FAM117A: variants seen among roughly 807,000 people sequenced by gnomAD.
FAM117A encodes the protein family with sequence similarity 117 member A.
A neutral mutation model predicts 44.1 loss-of-function variants in FAM117A; 21 were observed. The observed-to-expected ratio is 0.48, with a 90% CI of 0.34 to 0.69. The LOEUF is 0.69. Among genes scored for constraint, FAM117A ranks in the 30% least tolerant of loss-of-function variants. The pLI is 0.01. For missense variants in FAM117A, 498 were observed against 589.9 expected (o/e 0.84, Z 1.61); for synonymous variants, 220 against 238.3 (o/e 0.92, Z 0.71).
intron 1 of FAM117A, among the ~76,000 whole-genome samples, chr17:49,742,706 T>C (rs2073639582): frequency 6.6e-6 from 1 of 152,190 alleles, no homozygotes; most frequent in Admixed American, 6.5e-5. Flanking sequence ...GATGGGTTTC[T>C]GGAGGGCTGT....
At chr17:49,719,984 A>G in intron 4 of FAM117A, 90 bp from the exon 5 acceptor site, 1 of 1,479,048 alleles carries the variant, frequency 6.8e-7, no homozygotes, top group Non-Finnish European at 9.0e-7. Context: ...TCATGTCCAC[A>G]CAGCAGAACT....
intron 1 of FAM117A, among the ~76,000 whole-genome samples, chr17:49,770,959 C>A (rs896791876): frequency 1.3e-5 from 2 of 152,014 alleles, no homozygotes; most frequent in Admixed American, 6.6e-5. Context: ...GTAATCCCAG[C>A]ACTTTGGGTG....
chr17:49,717,798 G>T, intron 5 of FAM117A, 84 bp from the exon 6 acceptor site: 1 of 1,145,038 alleles, frequency 8.7e-7, no homozygotes, highest in Non-Finnish European at 1.2e-6. Flanking sequence ...TATTTCCCTT[G>T]CTGCTGTCAT....
At chr17:49,765,161 T>C (rs1007815622), upstream of FAM117A, among the ~76,000 whole-genome samples, 24 of 152,320 alleles carry the variant, frequency 1.6e-4, no homozygotes, top group African/African-American at 5.5e-4. Context: ...TTAAAAAGTA[T>C]TATGCTTCAA....
intron 1 of FAM117A, among the ~76,000 whole-genome samples, chr17:49,782,270 G>A (rs1391300496): frequency 1.9e-4 from 28 of 151,280 alleles, no homozygotes; most frequent in Admixed American, 3.9e-4. Context: ...CCAGCTACTC[G>A]GGAGGCTGAG....
intron 1 of FAM117A, among the ~76,000 whole-genome samples, chr17:49,785,337 C>A (rs1413666342): frequency 1.3e-5 from 2 of 152,114 alleles, no homozygotes; most frequent in Non-Finnish European, 2.9e-5. Context: ...TGTAGCAAGA[C>A]CTCATCTCTA....
At chr17:49,741,321 G>A (rs900679212) in intron 1 of FAM117A, among the ~76,000 whole-genome samples, 2 of 151,974 alleles carry the variant, frequency 1.3e-5, no homozygotes, top group African/African-American at 4.8e-5. Context: ...CCCTTAAAGA[G>A]AAAATAACTT....
At position 49,742,319 on chromosome 17, in the gene FAM117A, C is replaced by T. The variant is rs182832424; in HGVS notation, c.197-9599G>A. On this transcript the variant is annotated intron_variant, in intron 1 of 7. Transcript: ENST00000240364. ...AGCTGGAGAGACAGGCCAAGAGAAA[C>T]CCTTCTGGAGATGTCATTGTGGGAA... is the stretch of plus-strand genomic sequence containing the variant. 1.2e-4 allele frequency among the ~76,000 whole-genome samples: 18 copies of T among 152,180 alleles called. No homozygotes were observed. The East Asian group carries it at 3.3e-3, about 28-fold the overall frequency.
At chr17:49,787,761 C>A (rs538913743) in intron 1 of FAM117A, among the ~76,000 whole-genome samples, 1 of 152,316 alleles carries the variant, frequency 6.6e-6, no homozygotes, top group Non-Finnish European at 1.5e-5. Flanking sequence ...GTATCTGTGA[C>A]CAACTTCTCC....
intron 1 of FAM117A, among the ~76,000 whole-genome samples, chr17:49,753,127 T>G (rs547630628): frequency 6.6e-6 from 1 of 152,142 alleles, no homozygotes; most frequent in Non-Finnish European, 1.5e-5. Context: ...CCTCCCAAAG[T>G]GCTGGGATTA....
intron 1 of FAM117A, among the ~76,000 whole-genome samples, chr17:49,787,025 A>C (rs751711049): frequency 2.6e-5 from 4 of 152,074 alleles, no homozygotes; most frequent in Non-Finnish European, 4.4e-5. Flanking sequence ...TGGAGCTTGC[A>C]GTGAACTGAC....
chr17:49,724,520 C>T, intron 2 of FAM117A: 1 of 456,014 alleles, frequency 2.2e-6, no homozygotes, highest in Non-Finnish European at 4.4e-6. Context: ...AAGAGAAATG[C>T]AGGCTAGCAC....
At chr17:49,788,754 G>A, upstream of FAM117A, 5 of 1,486,360 alleles carry the variant, frequency 3.4e-6, no homozygotes, top group Non-Finnish European at 4.6e-6. Flanking sequence ...TACAGAGGCC[G>A]CCACGGAGCC....
At chr17:49,722,435 G>A in intron 3 of FAM117A, 64 bp downstream of exon 3, 1 of 1,328,006 alleles carries the variant, frequency 7.5e-7, no homozygotes, top group Non-Finnish European at 1.1e-6. Flanking sequence ...CAGATGCATT[G>A]CATGGTACTA....
At position 49,783,090 on chromosome 17, in the gene FAM117A, C is replaced by T. The variant is rs142818335; in HGVS notation, c.-621+5407G>A. Among the ~76,000 whole-genome samples, 47 of 152,332 alleles carry T rather than the reference C, an allele frequency of 3.1e-4. 1 individual carries two copies. The East Asian group carries it at 8.9e-3, about 29-fold the overall frequency. On this transcript the variant is annotated intron_variant, in intron 1 of 7. Coordinates refer to the FAM117A transcript ENST00000513602. ...TTATCCATAATGGCAATTCCCTGGT[C>T]TTCTTGGTAAGTGAATGTGGGCATG...
At chr17:49,733,563 C>T (rs532562236) in intron 1 of FAM117A, among the ~76,000 whole-genome samples, 1 of 152,082 alleles carries the variant, frequency 6.6e-6, no homozygotes, top group African/African-American at 2.4e-5. Flanking sequence ...ATCCCAGCTA[C>T]TCAGGAGGCT....
intron 1 of FAM117A, among the ~76,000 whole-genome samples, chr17:49,736,431 G>C (rs920099690): frequency 1.1e-4 from 17 of 151,888 alleles, no homozygotes; most frequent in Admixed American, 3.9e-4. Context: ...TAATTTTTTT[G>C]TATTTTTAGT....
chr17:49,714,260 T>G, intron 7 of FAM117A, among the ~76,000 whole-genome samples: 1 of 150,678 alleles, frequency 6.6e-6, no homozygotes, highest in East Asian at 1.9e-4. Context: ...GTTGATTAAA[T>G]AAAGAAACCT....
In FAM117A at chr17:49,722,504, T is replaced by C; in HGVS notation, c.457A>G (p.Lys153Glu). The change falls in exon 3 of 8, where the codon AAA becomes GAA. Residue 153 changes from lysine to glutamate, a missense_variant. Lys to Glu is a moderately conservative substitution (Grantham distance 56, BLOSUM62 1). Around this residue, in one of 3 missense-constraint regions of FAM117A, gnomAD observed 270 missense variants for 277.4 expected, o/e 0.97. Coordinates refer to ENST00000240364, the MANE Select transcript of FAM117A (RefSeq NM_030802.4). ...GAGTCAAAGTGGGTAGCTACCTCTT[T>C]TCGGTGGTCTGTGCTGCCCCAGGAT... ...SASWGSTDHRKEISKLKQQLQ... is the reference protein window; with the variant it reads ...SASWGSTDHREEISKLKQQLQ... 6.2e-7 allele frequency: 1 copy of C among 1,613,450 alleles called. No homozygotes were observed. The highest frequency in any genetic ancestry group is 8.5e-7 in the Non-Finnish European group (1 of 1,179,716).
Sources: gnomAD v4.1 joint callset for allele counts (sites outside exome capture counted in the v4.1 genomes callset) on GRCh38, gnomAD v4.1.1 for gene constraint, gnomAD v4.1.1 regional missense constraint, MANE v1.5 for transcripts, NCBI Gene and HGNC (gene_info 2026-07-23, HGNC 2026-07-21) for gene names.